SMC6: variants seen among roughly 807,000 people sequenced by gnomAD.
The protein encoded by SMC6 is structural maintenance of chromosomes protein 6.
In SMC6, 79 loss-of-function variants were observed where a neutral mutation model predicts 142.2. That is an observed-to-expected ratio of 0.56 (90% confidence interval 0.46 to 0.67). SMC6 has a LOEUF of 0.67. Ranked by LOEUF, SMC6 falls within the 30% of genes least tolerant of loss-of-function variation. The probability of loss-of-function intolerance (pLI) is 0.00; values close to 1 mark genes in which losing one functional copy is unlikely to be tolerated. For synonymous variants in SMC6, 411 were observed against 412.4 expected (o/e 1.00, Z 0.04); for missense variants, 1,072 against 1,284.0 (o/e 0.83, Z 2.52).
chr2:17,716,273 C>A lies in SMC6; in HGVS notation c.1347-9G>T, dbSNP rs1221720365. The A allele has an allele frequency of 6.3e-7, 1 of 1,599,756 alleles. No homozygotes were observed. The highest frequency in any genetic ancestry group is 1.8e-5 in the Admixed American group (1 of 55,768). On this transcript the variant is annotated splice_polypyrimidine_tract_variant and intron_variant, in intron 14 of 27. Transcript: ENST00000448223. ...CATCTAATTCTTCTCTCCTAAAAAACAAAAGCAGAAAAACAGAACATATAT... is the reference window on the plus strand; with the variant it reads ...CATCTAATTCTTCTCTCCTAAAAAAAAAAAGCAGAAAAACAGAACATATAT...
At chr2:17,748,813 T>C (rs557873858) in intron 2 of SMC6, among the ~76,000 whole-genome samples, 2 of 152,214 alleles carry the variant, frequency 1.3e-5, no homozygotes, top group Non-Finnish European at 2.9e-5. Context: ...CACATGATCA[T>C]GCAGTTAGCA....
rs1452410539 is a variant in SMC6 at position 17,691,688 on chromosome 2, C to G, written c.2678+3464G>C. On this transcript the variant is annotated intron_variant, in intron 23 of 27. Coordinates refer to ENST00000448223, the MANE Select transcript of SMC6 (RefSeq NM_001142286.2). ...GATGCCCTCTCTCACCACTCCTATTCCACATAGTGTTGGAAGTTCTGGCCA... is the reference window on the plus strand; with the variant it reads ...GATGCCCTCTCTCACCACTCCTATTGCACATAGTGTTGGAAGTTCTGGCCA... Among the ~76,000 whole-genome samples, 9 of 152,086 alleles carry G rather than the reference C, an allele frequency of 5.9e-5. 1 individual carries two copies. In the South Asian group the frequency reaches 1.7e-3, roughly 28 times the overall value.
chr2:17,746,881 T>C (rs1018154493), intron 2 of SMC6, among the ~76,000 whole-genome samples: 1 of 152,140 alleles, frequency 6.6e-6, no homozygotes, highest in African/African-American at 2.4e-5. Context: ...TTCTAAGATA[T>C]AAGAATATGA....
chr2:17,747,587 C>A (rs1304467153), intron 2 of SMC6, among the ~76,000 whole-genome samples: 2 of 151,310 alleles, frequency 1.3e-5, no homozygotes, highest in African/African-American at 2.4e-5. Flanking sequence ...CTCACTGCAA[C>A]CTCCACCTCC....
chr2:17,724,218 G>C (rs1669508303), intron 9 of SMC6, among the ~76,000 whole-genome samples: 1 of 152,112 alleles, frequency 6.6e-6, no homozygotes, highest in African/African-American at 2.4e-5. Flanking sequence ...GTGTGCTTTA[G>C]TATTTTTGTG....
chr2:17,721,338 A>G (rs1287604065), intron 9 of SMC6, 77 bp from the exon 10 acceptor site: 72 of 1,381,652 alleles, frequency 5.2e-5, no homozygotes, highest in Non-Finnish European at 6.4e-5. Flanking sequence ...TATTTCTTTT[A>G]AAAACAATGC....
chr2:17,670,975 C>A (rs553529622), intron 25 of SMC6, among the ~76,000 whole-genome samples: 386 of 152,004 alleles, frequency 2.5e-3, no homozygotes, highest in Non-Finnish European at 4.5e-3. Flanking sequence ...AATCCTCCCA[C>A]CTCAGCCTCC....
intron 24 of SMC6, chr2:17,679,909 T>A (rs1667165073): frequency 6.6e-6 from 1 of 152,234 alleles, no homozygotes; most frequent in African/African-American, 2.4e-5. Context: ...CTAGTAAACC[T>A]AAGGCTCATT....
At chr2:17,747,089 G>A (rs556395581) in intron 2 of SMC6, among the ~76,000 whole-genome samples, 1 of 152,308 alleles carries the variant, frequency 6.6e-6, no homozygotes, top group South Asian at 2.1e-4. Context: ...ATGTAGACAA[G>A]TAGGGAGCCA....
chr2:17,715,730 A>G (rs1407023992), intron 15 of SMC6, among the ~76,000 whole-genome samples: 1 of 152,080 alleles, frequency 6.6e-6, no homozygotes, highest in African/African-American at 2.4e-5. Flanking sequence ...TAAGAAAGAA[A>G]AGTCATTTTA....
chr2:17,735,061 C>A (rs1257330706), intron 5 of SMC6, among the ~76,000 whole-genome samples: 2 of 151,490 alleles, frequency 1.3e-5, no homozygotes, highest in African/African-American at 4.8e-5. Flanking sequence ...TACAAGAAAG[C>A]AAAATACTTC....
intron 2 of SMC6, among the ~76,000 whole-genome samples, chr2:17,749,974 A>G (rs762462801): frequency 6.6e-6 from 1 of 152,198 alleles, no homozygotes; most frequent in Non-Finnish European, 1.5e-5. Context: ...GCCTATCACA[A>G]CAGACATTTA....
At chr2:17,742,963 C>T (rs144708006) in intron 3 of SMC6, among the ~76,000 whole-genome samples, 1 of 152,138 alleles carries the variant, frequency 6.6e-6, no homozygotes, top group Non-Finnish European at 1.5e-5. Context: ...TAACCCTGAC[C>T]CACAATCTGT....
chr2:17,716,676 C>A, intron 14 of SMC6, 65 bp downstream of exon 14: 1 of 1,487,192 alleles, frequency 6.7e-7, no homozygotes, highest in Non-Finnish European at 9.1e-7. Flanking sequence ...TCTCTTCATA[C>A]AAGAACAAAA....
chr2:17,695,214 A>T lies in SMC6; in HGVS notation c.2616T>A (p.Asn872Lys). Residue 872 changes from asparagine to lysine, a missense_variant, in exon 23 of 28, where the codon AAT becomes AAA. By Grantham distance (94) the Asn-to-Lys change is moderately conservative (BLOSUM62 0). This residue lies in a region of SMC6 where 994 missense variants were observed against 1,153.2 expected (regional missense o/e 0.86). Coordinates refer to ENST00000448223, the MANE Select transcript of SMC6 (RefSeq NM_001142286.2). ...KSASILDKEI[N>K]RLRQKIQAEH... ...CTGCCTGTATCTTCTGCCTTAATCGATTAATTTCTTTGTCCAGAATTGATG... is the reference window on the plus strand; with the variant it reads ...CTGCCTGTATCTTCTGCCTTAATCGTTTAATTTCTTTGTCCAGAATTGATG... 6.2e-7 allele frequency: 1 copy of T among 1,613,678 alleles called. No homozygotes were observed. Among genetic ancestry groups the T allele is most frequent in the Non-Finnish European group, 8.5e-7 (1 of 1,179,802 alleles).
chr2:17,743,657 T>G (rs1264628626), intron 3 of SMC6, among the ~76,000 whole-genome samples: 4 of 151,928 alleles, frequency 2.6e-5, no homozygotes, highest in Non-Finnish European at 5.9e-5. Context: ...TTCTACAGAT[T>G]TGAACAAATT....
Position 17,725,372 on chromosome 2 carries a change from C to CAA in SMC6, c.625-16_625-15dup, listed in dbSNP as rs574372786. 7.4e-6 allele frequency: 11 copies of CAA among 1,492,042 alleles called. No homozygotes were observed. The highest frequency in any genetic ancestry group is 1.4e-5 in the African/African-American group (1 of 69,570). 92.4% of individuals were successfully genotyped at this position (1,492,042 alleles called of 1,614,324 possible). ...TTTCATGAAGAACTATTATCAATAA[C>CAA]AAAAAAAAACGCAATTAGGAGTTTG... On this transcript the variant is annotated splice_polypyrimidine_tract_variant and intron_variant, in intron 8 of 27. Coordinates refer to ENST00000448223, the MANE Select transcript of SMC6 (RefSeq NM_001142286.2).
chr2:17,667,203 T>C (rs964224630), intron 26 of SMC6, among the ~76,000 whole-genome samples: 1 of 152,236 alleles, frequency 6.6e-6, no homozygotes, highest in Non-Finnish European at 1.5e-5. Flanking sequence ...CAAAAGTGGC[T>C]AGTCTCAAAT....
chr2:17,675,239 T>C lies in SMC6; in HGVS notation c.2910+3620A>G, dbSNP rs114692174. Among the ~76,000 whole-genome samples, 1,058 of 152,248 alleles carry C rather than the reference T, an allele frequency of 6.9e-3. 9 individuals are homozygous for C. Among genetic ancestry groups the C allele is most frequent in the South Asian group, 0.025 (121 of 4,830 alleles). On this transcript the variant is annotated intron_variant, in intron 25 of 27. Coordinates refer to ENST00000448223, the MANE Select transcript of SMC6 (RefSeq NM_001142286.2). ...TTAGTTTATCTTAAATTAGTATTGG[T>C]ATTACTTCCTGAAAAGTATAAGAAC...
Sources: allele counts gnomAD v4.1 joint callset (sites outside exome capture counted in the v4.1 genomes callset), GRCh38; gene constraint gnomAD v4.1.1; regional missense constraint gnomAD v4.1.1; transcripts MANE v1.5; gene names NCBI Gene and HGNC (gene_info 2026-07-23, HGNC 2026-07-21).